GRXCR1: variants seen among roughly 807,000 people sequenced by gnomAD.
The protein encoded by GRXCR1 is glutaredoxin and cysteine rich domain containing 1, also known as glutaredoxin domain-containing cysteine-rich protein 1.
In GRXCR1, 27 loss-of-function variants were observed where a neutral mutation model predicts 27.3. That is an observed-to-expected ratio of 0.99 (90% CI 0.73 to 1.37). The LOEUF (loss-of-function observed/expected upper bound fraction) is 1.37, where lower values mean the gene tolerates loss of function less well. Among genes scored for constraint, GRXCR1 ranks in the 40% most tolerant of loss-of-function variants. The pLI is 0.00. For missense variants in GRXCR1, 379 were observed against 354.4 expected (o/e 1.07, Z -0.56); for synonymous variants, 122 against 131.1 (o/e 0.93, Z 0.47).
At chr4:42,931,148 T>A (rs1347608705) in intron 1 of GRXCR1, among the ~76,000 whole-genome samples, 1 of 152,046 alleles carries the variant, frequency 6.6e-6, no homozygotes, top group Non-Finnish European at 1.5e-5. Flanking sequence ...GATTATTTAT[T>A]TCCAAAATGT....
intron 2 of GRXCR1, among the ~76,000 whole-genome samples, chr4:42,964,448 G>T (rs986255100): frequency 7.2e-5 from 11 of 151,940 alleles, no homozygotes; most frequent in African/African-American, 2.4e-4. Flanking sequence ...TGTAAAATGG[G>T]AATAAGAATA....
At chr4:42,932,840 G>A (rs1747361962) in intron 1 of GRXCR1, among the ~76,000 whole-genome samples, 2 of 151,546 alleles carry the variant, frequency 1.3e-5, no homozygotes, top group African/African-American at 4.8e-5. Flanking sequence ...GTTTGAGAGA[G>A]TTGGCAGTAG....
intron 1 of GRXCR1, among the ~76,000 whole-genome samples, chr4:42,961,366 T>C (rs532927004): frequency 6.6e-6 from 1 of 152,070 alleles, no homozygotes; most frequent in East Asian, 1.9e-4. Flanking sequence ...TTCAGAAATA[T>C]TGGTCCACAT....
At chr4:43,009,195 T>C (rs868234009) in intron 2 of GRXCR1, among the ~76,000 whole-genome samples, 19 of 152,182 alleles carry the variant, frequency 1.2e-4, no homozygotes, top group African/African-American at 4.1e-4. Flanking sequence ...GATAATTAAC[T>C]CCTTGATTTG....
At chr4:42,924,560 C>T (rs895246961) in intron 1 of GRXCR1, among the ~76,000 whole-genome samples, 4 of 152,010 alleles carry the variant, frequency 2.6e-5, no homozygotes, top group African/African-American at 7.2e-5. Context: ...TCACAATTTC[C>T]TTCTCTCCCT....
chr4:42,905,628 G>C (rs1260127500), intron 1 of GRXCR1, among the ~76,000 whole-genome samples: 1 of 152,154 alleles, frequency 6.6e-6, no homozygotes, highest in African/African-American at 2.4e-5. Context: ...TCCTCTCATG[G>C]ATTCAAAATG....
intron 1 of GRXCR1, among the ~76,000 whole-genome samples, chr4:42,912,829 A>G (rs1314739504): frequency 3.3e-5 from 5 of 152,150 alleles, no homozygotes; most frequent in Non-Finnish European, 5.9e-5. Flanking sequence ...CTCGAATTGT[A>G]ATAATCTCCA....
At chr4:42,996,374 C>A (rs970911882) in intron 2 of GRXCR1, among the ~76,000 whole-genome samples, 1 of 152,030 alleles carries the variant, frequency 6.6e-6, no homozygotes, top group African/African-American at 2.4e-5. Flanking sequence ...TGACAGGGAA[C>A]AAAGCAAAGA....
intron 2 of GRXCR1, among the ~76,000 whole-genome samples, chr4:42,980,642 A>G (rs540176859): frequency 1.3e-5 from 2 of 152,158 alleles, no homozygotes; most frequent in African/African-American, 4.8e-5. Context: ...TGTGCCTGTT[A>G]CATCTATTTT....
intron 2 of GRXCR1, among the ~76,000 whole-genome samples, chr4:42,987,326 A>G (rs1711803496): frequency 6.8e-6 from 1 of 147,000 alleles, no homozygotes; most frequent in Non-Finnish European, 1.5e-5. Flanking sequence ...TCTGTCATCC[A>G]GACTGAAGTG....
intron 2 of GRXCR1, among the ~76,000 whole-genome samples, chr4:43,001,494 A>G (rs754522056): frequency 2.6e-5 from 4 of 152,104 alleles, no homozygotes; most frequent in Non-Finnish European, 5.9e-5. Flanking sequence ...CTGAGGAAGG[A>G]TTTCTAAATT....
At chr4:42,998,544 T>G (rs771264863) in intron 2 of GRXCR1, among the ~76,000 whole-genome samples, 27 of 152,208 alleles carry the variant, frequency 1.8e-4, no homozygotes, top group Non-Finnish European at 3.2e-4. Flanking sequence ...GACTAAACAT[T>G]GTCAAAATGG....
At chr4:43,001,431 T>G (rs907565808) in intron 2 of GRXCR1, among the ~76,000 whole-genome samples, 2 of 152,146 alleles carry the variant, frequency 1.3e-5, no homozygotes, top group Non-Finnish European at 2.9e-5. Flanking sequence ...TTGGAAAGTA[T>G]CCAGTTTAAA....
intron 1 of GRXCR1, among the ~76,000 whole-genome samples, chr4:42,932,655 GA>G (rs1205937243): frequency 5.1e-4 from 68 of 134,088 alleles, no homozygotes; most frequent in African/African-American, 9.2e-4. Flanking sequence ...GAGAGAGAGA[GA>G]GAGAGAGAGG....
At chr4:42,999,413 G>T (rs372979369) in intron 2 of GRXCR1, among the ~76,000 whole-genome samples, 3 of 152,194 alleles carry the variant, frequency 2.0e-5, no homozygotes, top group African/African-American at 7.2e-5. Context: ...AGCCTTTCAG[G>T]CTTCTTCACC....
chr4:42,930,577 T>C (rs149884940), intron 1 of GRXCR1, among the ~76,000 whole-genome samples: 1 of 152,140 alleles, frequency 6.6e-6, no homozygotes, highest in Non-Finnish European at 1.5e-5. Flanking sequence ...TGATTGATTA[T>C]TGAGACTAAT....
intron 2 of GRXCR1, among the ~76,000 whole-genome samples, chr4:42,971,608 C>G (rs1459060379): frequency 6.6e-6 from 1 of 152,012 alleles, no homozygotes. Flanking sequence ...AAAACCAGAT[C>G]TCAGGAGAAC....
At chr4:42,901,047 G>T (rs1300424399) in intron 1 of GRXCR1, among the ~76,000 whole-genome samples, 1 of 152,098 alleles carries the variant, frequency 6.6e-6, no homozygotes, top group Non-Finnish European at 1.5e-5. Context: ...AGGTTCTGTT[G>T]CTTCTAAACT....
intron 2 of GRXCR1, among the ~76,000 whole-genome samples, chr4:42,987,261 A>AATATATAAT (rs1711795451): frequency 1.1e-4 from 11 of 97,262 alleles, no homozygotes; most frequent in Non-Finnish European, 2.1e-4. Context: ...ATATATATAT[A>AATATATAAT]ATATATATAT....
Sources: gnomAD v4.1 joint callset for allele counts (sites outside exome capture counted in the v4.1 genomes callset) on GRCh38, gnomAD v4.1.1 for gene constraint, MANE v1.5 for transcripts, NCBI Gene and HGNC (gene_info 2026-07-23, HGNC 2026-07-21) for gene names.